SAMM50: variants seen among roughly 807,000 people sequenced by gnomAD.
The protein encoded by SAMM50 is sorting and assembly machinery component 50 homolog.
SAMM50 carries 47 observed loss-of-function variants against 66.9 expected under a neutral mutation model. The observed-to-expected ratio is 0.70, with a 90% CI of 0.56 to 0.90. The LOEUF (loss-of-function observed/expected upper bound fraction) is 0.90. SAMM50 is among the 40% of genes least tolerant of loss of function. The probability of loss-of-function intolerance (pLI) is 0.00; values close to 1 mark genes in which losing one functional copy is unlikely to be tolerated. For synonymous variants in SAMM50, 191 were observed against 214.1 expected (o/e 0.89, Z 0.94); for missense variants, 535 against 595.3 (o/e 0.90, Z 1.05).
chr22:43,976,010 C>T (rs2050229397), intron 7 of SAMM50, 45 bp from the exon 8 acceptor site: 2 of 1,561,318 alleles, frequency 1.3e-6, no homozygotes, highest in African/African-American at 2.7e-5. Flanking sequence ...CAACAAGTTC[C>T]TAAGTATGTG....
chr22:43,993,875 G>A (rs1057289881), intron 14 of SAMM50, among the ~76,000 whole-genome samples: 1 of 152,218 alleles, frequency 6.6e-6, no homozygotes, highest in Non-Finnish European at 1.5e-5. Flanking sequence ...CATTCACAAA[G>A]AAGGAAACAG....
chr22:43,979,571 C>G (rs2050251760), intron 10 of SAMM50, among the ~76,000 whole-genome samples: 1 of 152,130 alleles, frequency 6.6e-6, no homozygotes, highest in African/African-American at 2.4e-5. Flanking sequence ...CTCCTACTCC[C>G]TGCCTTCCCC....
chr22:43,990,348 A>G lies in SAMM50; in HGVS notation c.1306A>G (p.Asn436Asp). ...YGAGIVLRLG[N>D]IARLELNYCV... ...GGCCGGGATTGTCCTCAGGCTTGGC[A>G]ACATCGCTCGGTTGGAACTTAATTA... Residue 436 changes from asparagine (N) to aspartate (D), a missense_variant, in exon 14 of 15, where the codon AAC becomes GAC. By Grantham distance (23) the Asn-to-Asp change is conservative. Coordinates refer to ENST00000350028, the MANE Select transcript of SAMM50 (RefSeq NM_015380.5). The G allele has an allele frequency of 6.2e-7, 1 of 1,614,204 alleles. No individual in the cohort carries two copies.
At chr22:43,966,370 T>C (rs1478812376) in intron 3 of SAMM50, among the ~76,000 whole-genome samples, 1 of 152,096 alleles carries the variant, frequency 6.6e-6, no homozygotes, top group Non-Finnish European at 1.5e-5. Flanking sequence ...GTCTTTTTTT[T>C]TTTTGAGACG....
At chr22:43,970,438 G>A (rs916071519) in intron 4 of SAMM50, among the ~76,000 whole-genome samples, 1 of 152,168 alleles carries the variant, frequency 6.6e-6, no homozygotes, top group African/African-American at 2.4e-5. Flanking sequence ...CCTCATTCCA[G>A]TATTGGAGGA....
In SAMM50 at chr22:43,963,314, C is replaced by G. The variant is rs1363020741; in HGVS notation, c.50C>G (p.Pro17Arg). ...RSLEPLPSSGPDFGGLGEEAE... is the reference protein window; with the variant it reads ...RSLEPLPSSGRDFGGLGEEAE... ...TTGGAGCCTCTTCCATCAAGTGGAC[C>G]TGATTTTGGAGGATTAGGAGAAGAA... is the stretch of plus-strand genomic sequence containing the variant. The change falls in exon 2 of 15, where the codon CCT becomes CGT. Residue 17 changes from proline (P) to arginine (R), a missense_variant. Coordinates refer to ENST00000350028, the MANE Select transcript of SAMM50 (RefSeq NM_015380.5). 6.2e-7 allele frequency: 1 copy of G among 1,612,008 alleles called. No individual in the cohort carries two copies.
intron 14 of SAMM50, among the ~76,000 whole-genome samples, chr22:43,991,832 G>T (rs555632924): frequency 6.6e-6 from 1 of 152,002 alleles, no homozygotes; most frequent in East Asian, 1.9e-4. Flanking sequence ...CCAGTGCCCC[G>T]ATGCCTCTTC....
At chr22:43,989,070 T>C (rs759167275) in intron 12 of SAMM50, 41 bp from the exon 13 acceptor site, 9 of 1,591,574 alleles carry the variant, frequency 5.7e-6, no homozygotes, top group African/African-American at 1.4e-5. Flanking sequence ...ATGTTAACCT[T>C]GTCGGACCTT....
chr22:43,976,689 G>A (rs1215369954), intron 8 of SAMM50, 61 bp from the exon 9 acceptor site: 7 of 1,264,254 alleles, frequency 5.5e-6, no homozygotes, highest in Non-Finnish European at 8.1e-6. Context: ...TGCTGTGAGT[G>A]CTCATGGTTA....
At chr22:43,956,069 C>G (rs567052954) in intron 1 of SAMM50, among the ~76,000 whole-genome samples, 1 of 152,192 alleles carries the variant, frequency 6.6e-6, no homozygotes, top group East Asian at 1.9e-4. Context: ...AAGACGGAAC[C>G]GCTCTCTGCC....
chr22:43,961,738 C>T (rs1211997799), intron 1 of SAMM50, among the ~76,000 whole-genome samples: 2 of 152,064 alleles, frequency 1.3e-5, no homozygotes, highest in African/African-American at 2.4e-5. Context: ...AGGTGTGAGT[C>T]ATTGTGCCTG....
intron 10 of SAMM50, among the ~76,000 whole-genome samples, chr22:43,980,448 C>G (rs1020798212): frequency 2.6e-5 from 4 of 151,364 alleles, no homozygotes; most frequent in African/African-American, 7.3e-5. Flanking sequence ...GCTAGTAAGG[C>G]AACCCCCGAG....
At chr22:43,963,895 T>G (rs983228326) in intron 2 of SAMM50, among the ~76,000 whole-genome samples, 3 of 148,860 alleles carry the variant, frequency 2.0e-5, no homozygotes, top group Admixed American at 1.3e-4. Context: ...TACAGTTTTG[T>G]TTTGTTTTTT....
Position 43,955,601 on chromosome 22 carries a change from A to G in SAMM50, c.21+3A>G, listed in dbSNP as rs1257400178. 6.3e-7 allele frequency: 1 copy of G among 1,596,244 alleles called. No individual in the cohort carries two copies. On this transcript the variant is annotated splice_donor_region_variant and intron_variant, in intron 1 of 14. Transcript: ENST00000350028. ...CCATGGGGACTGTGCACGCCCGGGT[A>G]AGAGGCCCAGCGACCCGCGGGCTGC...
intron 10 of SAMM50, among the ~76,000 whole-genome samples, chr22:43,979,558 C>T (rs79543448): frequency 0.14 from 21,750 of 152,106 alleles, 1,743 homozygotes; most frequent in South Asian, 0.22. Context: ...CGTCTCTGCT[C>T]CTCTCCTACT....
At position 43,983,875 on chromosome 22, in the gene SAMM50, T is replaced by G; in HGVS notation, c.1008-58T>G. On this transcript the variant is annotated intron_variant, in intron 11 of 14. Transcript: ENST00000350028. This position sits in a 1 kb window ranked among gnomAD's most constrained non-coding sequence, Gnocchi z 4.2. The stretch of plus-strand genomic sequence containing the variant: ...ACATGTGTTTCCTACGCGTTCCGTG[T>G]GTCATGTCGTTTCTCACCTCCTGAC... 1 of 1,207,904 alleles carries G rather than the reference T, an allele frequency of 8.3e-7. No homozygotes were observed. Among genetic ancestry groups the G allele is most frequent in the Non-Finnish European group, 1.2e-6 (1 of 832,488 alleles). 74.8% of individuals were successfully genotyped at this position (1,207,904 alleles called of 1,614,324 possible). A position where few individuals can be genotyped will look rare whatever the true frequency, so the allele number is the denominator to read the frequency against.
intron 1 of SAMM50, 21 bp downstream of exon 1, chr22:43,955,619 C>T (rs2050114930): frequency 1.3e-6 from 2 of 1,582,124 alleles, no homozygotes; most frequent in East Asian, 2.3e-5. Flanking sequence ...CAGCGACCCG[C>T]GGGCTGCGAG....
At chr22:43,980,956 T>C (rs1440068366) in intron 10 of SAMM50, among the ~76,000 whole-genome samples, 1 of 152,202 alleles carries the variant, frequency 6.6e-6, no homozygotes, top group Non-Finnish European at 1.5e-5. Context: ...GGGGGAGCCT[T>C]GCAGCCGGTA....
chr22:43,968,693 A>G (rs2050187091), intron 3 of SAMM50, 38 bp from the exon 4 acceptor site: 1 of 1,402,596 alleles, frequency 7.1e-7, no homozygotes, highest in Admixed American at 1.7e-5. Context: ...TGTATCGTAG[A>G]AGAATATATT....
Sources: gnomAD v4.1 joint callset for allele counts (sites outside exome capture counted in the v4.1 genomes callset) on GRCh38, gnomAD v4.1.1 for gene constraint, Gnocchi (gnomAD v3.1) non-coding constraint, MANE v1.5 for transcripts, NCBI Gene and HGNC (gene_info 2026-07-23, HGNC 2026-07-21) for gene names.